The following NPR3 variants were observed in gnomAD, a reference collection of about 807,000 sequenced individuals.
The protein encoded by NPR3 is natriuretic peptide receptor 3, also known as atrial natriuretic peptide receptor 3.
NPR3 carries 34 observed loss-of-function variants against 54.5 expected under a neutral mutation model. The observed-to-expected ratio is 0.62, with a 90% CI of 0.47 to 0.83. NPR3 has a LOEUF of 0.83. Among genes scored for constraint, NPR3 ranks in the 40% least tolerant of loss-of-function variants. NPR3 has a pLI of 0.00. For missense variants in NPR3, 674 were observed against 720.8 expected, an observed-to-expected ratio of 0.94 and a Z score of 0.74; for synonymous variants, 289 against 297.1, an observed-to-expected ratio of 0.97 and a Z score of 0.28.
At chr5:32,784,750 A>T in intron 6 of NPR3, 46 bp from the exon 7 acceptor site, 2 of 1,456,526 alleles carry the variant, frequency 1.4e-6, no homozygotes, top group Non-Finnish European at 1.9e-6. Context: ...GGCATTTCTA[A>T]CTGTATCTCC....
chr5:32,713,152 A>G (rs1357206197), intron 1 of NPR3: 1 of 984,972 alleles, frequency 1.0e-6, no homozygotes, highest in Non-Finnish European at 1.2e-6. Flanking sequence ...TGTGGTTTCC[A>G]CCAAAAATGC....
chr5:32,728,288 C>T (rs696834), intron 2 of NPR3, among the ~76,000 whole-genome samples: 4,163 of 151,972 alleles, frequency 0.027, 191 homozygotes, highest in African/African-American at 0.096. Flanking sequence ...CATGGTGAAA[C>T]CCCGTCTCTA....
At position 32,714,017 on chromosome 5, in the gene NPR3, A is replaced by C. The variant is rs73755098; in HGVS notation, c.769+1472A>C. 2.2e-3 allele frequency among the ~76,000 whole-genome samples: 339 copies of C among 152,300 alleles called. 3 individuals carry two copies. Among genetic ancestry groups the C allele is most frequent in the African/African-American group, 7.9e-3 (330 of 41,570 alleles). Reference sequence around the variant, plus strand: ...CCTGCCACGCCTCGGCAAGGAACCCACATCTACACTCCCAAGTCCCAGTCG... The same window carrying C: ...CCTGCCACGCCTCGGCAAGGAACCCCCATCTACACTCCCAAGTCCCAGTCG... On this transcript the variant is annotated intron_variant, in intron 1 of 7. Transcript: ENST00000265074.
upstream of NPR3, chr5:32,710,735 C>T: frequency 6.5e-7 from 1 of 1,547,476 alleles, no homozygotes; most frequent in Non-Finnish European, 8.7e-7. Flanking sequence ...AGGTCAGGTG[C>T]TCGCCCCGCG....
chr5:32,776,035 G>A (rs1254258319), intron 4 of NPR3, among the ~76,000 whole-genome samples: 1 of 152,144 alleles, frequency 6.6e-6, no homozygotes, highest in African/African-American at 2.4e-5. Context: ...TCCCAACCTA[G>A]TCCCCTCTCC....
chr5:32,744,761 C>T (rs1419650100), intron 3 of NPR3, among the ~76,000 whole-genome samples: 6 of 152,122 alleles, frequency 3.9e-5, no homozygotes, highest in African/African-American at 1.2e-4. Context: ...TTCCTGACAC[C>T]CCAGACTATG....
intron 2 of NPR3, among the ~76,000 whole-genome samples, chr5:32,737,462 C>T (rs1185261053): frequency 6.6e-6 from 1 of 152,162 alleles, no homozygotes; most frequent in East Asian, 1.9e-4. Flanking sequence ...AGAGTGAGTG[C>T]CACAAAGTCC....
At position 32,790,728 on chromosome 5, in the gene NPR3, C is replaced by A. The variant is rs1199444228; in HGVS notation, c.*4383C>A. On this transcript the variant is annotated 3_prime_UTR_variant, in exon 8 of 8. Coordinates refer to ENST00000265074, the MANE Select transcript of NPR3 (RefSeq NM_001204375.2). Reference sequence around the variant, plus strand: ...CACTAATGTTAATTCATACCAAATGCAAAGTATTCTAAACCAGCTGATGCT... The same window carrying A: ...CACTAATGTTAATTCATACCAAATGAAAAGTATTCTAAACCAGCTGATGCT... 6.0e-6 allele frequency: 1 copy of A among 166,938 alleles called. No individual in the cohort carries two copies. The highest frequency in any genetic ancestry group is 2.4e-5 in the African/African-American group (1 of 41,454). 10.3% of individuals were successfully genotyped at this position (166,938 alleles called of 1,614,324 possible).
chr5:32,783,663 A>T (rs1029882108), intron 6 of NPR3: 16 of 152,206 alleles, frequency 1.1e-4, no homozygotes, highest in African/African-American at 3.9e-4. Flanking sequence ...AATATCTTTT[A>T]AACTGTTAGG....
intron 3 of NPR3, among the ~76,000 whole-genome samples, chr5:32,753,186 C>T (rs1236262952): frequency 6.6e-6 from 1 of 151,926 alleles, no homozygotes; most frequent in Non-Finnish European, 1.5e-5. Context: ...GTTTTTTTTC[C>T]ATTATGTGTG....
chr5:32,786,351 GC>G lies in NPR3; in HGVS notation c.*12del. On this transcript the variant is annotated 3_prime_UTR_variant, in exon 8 of 8. Coordinates refer to ENST00000265074, the MANE Select transcript of NPR3 (RefSeq NM_001204375.2). ...CCCATTTTTCAGTAGCTTAAAGGAA[GC>G]CCCCCACTTTTTTTTTTTCTGCCTG... The G allele has an allele frequency of 4.7e-6, 6 of 1,278,724 alleles. No individual in the cohort carries two copies. The highest frequency in any genetic ancestry group is 2.6e-5 in the South Asian group (2 of 76,008). 79.2% of individuals were successfully genotyped at this position (1,278,724 alleles called of 1,614,324 possible).
chr5:32,734,999 A>C lies in NPR3; in HGVS notation c.893-3865A>C, dbSNP rs922829096. Among the ~76,000 whole-genome samples, 8 of 152,022 alleles carry C rather than the reference A, an allele frequency of 5.3e-5. No homozygotes were observed. In the East Asian group the frequency reaches 1.5e-3, roughly 29 times the overall value. Reference sequence around the variant, plus strand: ...GCCCACTAAAAATAGCATCCCCCCAAAGTGTCTGTGCTCTGCCCTTCTCCC... The same window carrying C: ...GCCCACTAAAAATAGCATCCCCCCACAGTGTCTGTGCTCTGCCCTTCTCCC... On this transcript the variant is annotated intron_variant, in intron 2 of 7. Coordinates refer to ENST00000265074, the MANE Select transcript of NPR3 (RefSeq NM_001204375.2).
At chr5:32,718,686 G>C (rs1202665942) in intron 1 of NPR3, among the ~76,000 whole-genome samples, 1 of 152,122 alleles carries the variant, frequency 6.6e-6, no homozygotes, top group African/African-American at 2.4e-5. Flanking sequence ...TGTGATTTTT[G>C]CACATTGATT....
upstream of NPR3, among the ~76,000 whole-genome samples, chr5:32,705,292 A>G (rs144811039): frequency 3.7e-3 from 567 of 152,388 alleles, 2 homozygotes; most frequent in Middle Eastern, 0.017. Context: ...GACCATCCAC[A>G]TCAAGTTTTG....
chr5:32,706,854 T>A (rs1738006812), upstream of NPR3, among the ~76,000 whole-genome samples: 1 of 152,234 alleles, frequency 6.6e-6, no homozygotes, highest in African/African-American at 2.4e-5. Flanking sequence ...TTTTTAGGGA[T>A]AAACTACATG....
chr5:32,739,183 G>GTTT (rs368679421), intron 3 of NPR3, among the ~76,000 whole-genome samples, 153 bp downstream of exon 3: 4 of 130,212 alleles, frequency 3.1e-5, no homozygotes, highest in Admixed American at 3.1e-4. Flanking sequence ...GTGTGTGTGT[G>GTTT]TTTTTTTTTT....
At chr5:32,733,402 A>G (rs539468259) in intron 2 of NPR3, among the ~76,000 whole-genome samples, 3 of 152,348 alleles carry the variant, frequency 2.0e-5, no homozygotes, top group African/African-American at 4.8e-5. Context: ...ATTGCCCCAT[A>G]GAGTTTTTAA....
In NPR3 at chr5:32,712,115, C is replaced by G; in HGVS notation, c.339C>G (p.Leu113=). 2 of 1,613,718 alleles carry G rather than the reference C, an allele frequency of 1.2e-6. No homozygotes were observed. The highest frequency in any genetic ancestry group is 1.7e-6 in the Non-Finnish European group (2 of 1,179,806). The change falls in exon 1 of 8, where the codon CTC becomes CTG. Residue 113 remains leucine (L), a synonymous_variant. Coordinates refer to ENST00000265074, the MANE Select transcript of NPR3 (RefSeq NM_001204375.2). The part of the protein sequence containing the change: ...YEDSDCGNRA[L]FSLVDRVAAA... The stretch of plus-strand genomic sequence containing the variant: ...ATTCAGACTGTGGGAACCGTGCGCT[C>G]TTCAGCTTGGTGGACCGCGTGGCGG...
chr5:32,745,312 T>A (rs979272056), intron 3 of NPR3, among the ~76,000 whole-genome samples: 2 of 152,280 alleles, frequency 1.3e-5, no homozygotes. Flanking sequence ...TCAGTGGGGC[T>A]CTAGGTATGG....
Sources: allele counts gnomAD v4.1 joint callset (sites outside exome capture counted in the v4.1 genomes callset), GRCh38; gene constraint gnomAD v4.1.1; transcripts MANE v1.5; gene names NCBI Gene and HGNC (gene_info 2026-07-23, HGNC 2026-07-21).